GRB2: variants seen among roughly 807,000 people sequenced by gnomAD.
The protein encoded by GRB2 is growth factor receptor-bound protein 2.
GRB2 carries 2 observed loss-of-function variants against 27.4 expected under a neutral mutation model. The observed-to-expected ratio is 0.07, with a 90% CI of 0.03 to 0.23. The LOEUF is 0.23. Among genes scored for constraint, GRB2 ranks in the 10% least tolerant of loss-of-function variants. GRB2 has a pLI of 1.00. For missense variants in GRB2, 102 were observed against 282.4 expected (o/e 0.36, Z 4.58); for synonymous variants, 94 against 99.6 (o/e 0.94, Z 0.33).
rs544491492 is a variant in GRB2, at chr17:75,389,905, T to A, written c.78+3646A>T. Among the ~76,000 whole-genome samples, 5 of 152,158 alleles carry A rather than the reference T, an allele frequency of 3.3e-5. No homozygotes were observed. The South Asian group carries it at 6.2e-4, about 19-fold the overall frequency. ...AAGATCTTTTCCTGTTCTAAAAAAATTTTTATATACCATCTTGTACTGTTT... is the reference window on the plus strand; with the variant it reads ...AAGATCTTTTCCTGTTCTAAAAAAAATTTTATATACCATCTTGTACTGTTT... On this transcript the variant is annotated intron_variant, in intron 2 of 5. Coordinates refer to ENST00000316804, the MANE Select transcript of GRB2 (RefSeq NM_002086.5).
chr17:75,404,086 T>C (rs576678716), intron 1 of GRB2, among the ~76,000 whole-genome samples: 4 of 151,976 alleles, frequency 2.6e-5, no homozygotes, highest in Non-Finnish European at 4.4e-5. Flanking sequence ...CACTCCAGCC[T>C]GGGCAAAAAG....
chr17:75,372,824 G>T (rs1252826628), intron 2 of GRB2: 4 of 152,086 alleles, frequency 2.6e-5, no homozygotes. Flanking sequence ...AATACTTTGT[G>T]GTCTAAACTT....
intron 2 of GRB2, among the ~76,000 whole-genome samples, chr17:75,366,054 G>C (rs138842577): frequency 3.0e-4 from 45 of 152,136 alleles, no homozygotes; most frequent in African/African-American, 1.1e-3. Flanking sequence ...ATAGCGGGAG[G>C]CAGAAAGGAA....
intron 2 of GRB2, among the ~76,000 whole-genome samples, chr17:75,378,989 C>G (rs2078911294): frequency 6.6e-6 from 1 of 152,176 alleles, no homozygotes; most frequent in African/African-American, 2.4e-5. Context: ...GAGCCTGGCA[C>G]AGAAATCCTC....
At chr17:75,326,052 G>C in intron 3 of GRB2, 32 bp from the exon 4 acceptor site, 1 of 1,613,196 alleles carries the variant, frequency 6.2e-7, no homozygotes. Flanking sequence ...GTCAACATCT[G>C]CTTCCCCACA....
chr17:75,367,065 ATTC>A (rs2078824553), intron 2 of GRB2, among the ~76,000 whole-genome samples: 1 of 152,208 alleles, frequency 6.6e-6, no homozygotes, highest in African/African-American at 2.4e-5. Flanking sequence ...GGGCCACACT[ATTC>A]TTACGAGGCA....
intron 3 of GRB2, among the ~76,000 whole-genome samples, chr17:75,331,228 T>C (rs1196272786): frequency 6.6e-6 from 1 of 152,244 alleles, no homozygotes; most frequent in East Asian, 1.9e-4. Flanking sequence ...AGTTGCTAGT[T>C]GCCTTTTCAG....
Position 75,320,070 on chromosome 17 carries a change from T to C in GRB2, c.*298A>G. ...GGACTATACGTGGCCTTAAACGTCA[T>C]GCACTGATGGACAGAAGAGAAAAAA... On this transcript the variant is annotated 3_prime_UTR_variant, in exon 6 of 6. Coordinates refer to ENST00000316804, the MANE Select transcript of GRB2 (RefSeq NM_002086.5). This position sits in a 1 kb window ranked among gnomAD's most constrained non-coding sequence, Gnocchi z 4.3. 2 of 313,950 alleles carry C rather than the reference T, an allele frequency of 6.4e-6. No individual in the cohort carries two copies. The highest frequency in any genetic ancestry group is 4.0e-5 in the South Asian group (1 of 24,916). 19.4% of individuals were successfully genotyped at this position (313,950 alleles called of 1,614,324 possible).
chr17:75,385,789 T>C (rs1386079667), intron 2 of GRB2, among the ~76,000 whole-genome samples: 3 of 152,228 alleles, frequency 2.0e-5, no homozygotes, highest in Non-Finnish European at 1.5e-5. Context: ...TTATTACTTA[T>C]TAAAACAGGA....
intron 3 of GRB2, among the ~76,000 whole-genome samples, chr17:75,332,352 A>G (rs964033596): frequency 1.3e-5 from 2 of 152,156 alleles, no homozygotes; most frequent in South Asian, 4.1e-4. Context: ...TAGCACATAT[A>G]AACACAAAAT....
intron 2 of GRB2, among the ~76,000 whole-genome samples, chr17:75,358,020 C>T (rs2078744948): frequency 6.6e-6 from 1 of 152,226 alleles, no homozygotes; most frequent in African/African-American, 2.4e-5. Context: ...ATCGCTTGAA[C>T]CCGGGAGGTG....
intron 2 of GRB2, among the ~76,000 whole-genome samples, chr17:75,377,037 C>T (rs2078898405): frequency 6.6e-6 from 1 of 151,278 alleles, no homozygotes; most frequent in African/African-American, 2.4e-5. Context: ...ACCTTCATAG[C>T]TGGGCCCAGT....
intron 2 of GRB2, among the ~76,000 whole-genome samples, chr17:75,339,608 C>T (rs2078606681): frequency 7.0e-6 from 1 of 142,682 alleles, no homozygotes; most frequent in Admixed American, 7.6e-5. Flanking sequence ...TATACATTTT[C>T]CTTTTTCTTT....
chr17:75,368,239 A>T (rs1420953770), intron 2 of GRB2, among the ~76,000 whole-genome samples: 4 of 131,550 alleles, frequency 3.0e-5, no homozygotes, highest in South Asian at 2.4e-4. Context: ...TTTGAGACAG[A>T]GTCTCTCACT....
At chr17:75,341,435 G>A (rs1405889458) in intron 2 of GRB2, among the ~76,000 whole-genome samples, 5 of 125,252 alleles carry the variant, frequency 4.0e-5, no homozygotes, top group South Asian at 2.8e-4. Flanking sequence ...CTGGGTGACA[G>A]AGTGACTCCA....
chr17:75,323,372 G>A (rs951844350), intron 4 of GRB2, among the ~76,000 whole-genome samples: 7 of 152,110 alleles, frequency 4.6e-5, no homozygotes, highest in Non-Finnish European at 7.4e-5. Context: ...TATATTCCAC[G>A]GCACTTCTGG....
At chr17:75,330,850 T>C (rs1470683554) in intron 3 of GRB2, among the ~76,000 whole-genome samples, 1 of 152,054 alleles carries the variant, frequency 6.6e-6, no homozygotes. Flanking sequence ...GAAAAGCACA[T>C]ATTTGGATCC....
At chr17:75,399,447 A>G (rs1013333777) in intron 1 of GRB2, among the ~76,000 whole-genome samples, 28 of 147,262 alleles carry the variant, frequency 1.9e-4, no homozygotes, top group African/African-American at 6.9e-4. Context: ...GGCTCACCAC[A>G]ACCTCTGTCT....
intron 2 of GRB2, among the ~76,000 whole-genome samples, chr17:75,381,098 T>C (rs969175015): frequency 6.6e-6 from 1 of 152,150 alleles, no homozygotes; most frequent in African/African-American, 2.4e-5. Context: ...ACAAGTGAAA[T>C]ATACAGCAAT....
Sources: gnomAD v4.1 joint callset for allele counts (sites outside exome capture counted in the v4.1 genomes callset) on GRCh38, gnomAD v4.1.1 for gene constraint, Gnocchi (gnomAD v3.1) non-coding constraint, MANE v1.5 for transcripts, NCBI Gene and HGNC (gene_info 2026-07-23, HGNC 2026-07-21) for gene names.